Variants in COL4A5 observed in about 807,000 individuals in gnomAD.
COL4A5 encodes the protein collagen alpha-5(IV) chain.
In COL4A5, 26 loss-of-function variants were observed where a neutral mutation model predicts 130.2. That is an observed-to-expected ratio of 0.20 (90% confidence interval 0.15 to 0.28). The LOEUF (loss-of-function observed/expected upper bound fraction) is 0.28, where lower values mean the gene tolerates loss of function less well. COL4A5 is among the 10% of genes least tolerant of loss of function. The probability of loss-of-function intolerance (pLI) is 1.00; values close to 1 mark genes in which losing one functional copy is unlikely to be tolerated. For missense variants in COL4A5, 1,131 were observed against 1,344.3 expected (o/e 0.84, Z 2.48); for synonymous variants, 496 against 439.6 (o/e 1.13, Z -1.60).
At chrX:108,551,947 A>G (rs1423035429) in intron 2 of COL4A5, among the ~76,000 whole-genome samples, 2 of 112,301 alleles carry the variant, frequency 1.8e-5, no homozygotes, top group East Asian at 5.6e-4. Context: ...TTAGCTAATT[A>G]ACACAGGAAC....
intron 1 of COL4A5, among the ~76,000 whole-genome samples, chrX:108,527,242 G>A (rs1373077064): frequency 1.8e-5 from 2 of 110,644 alleles, no homozygotes; most frequent in Admixed American, 9.6e-5. Context: ...CCTCTCTTTC[G>A]TCTTCTTTTG....
chrX:108,694,553 T>C lies in COL4A5; in HGVS notation c.4707-254T>C, dbSNP rs921523682. 5 of 389,493 alleles carry C rather than the reference T, an allele frequency of 1.3e-5. No homozygotes were observed. In the Admixed American group the frequency reaches 2.1e-4, roughly 17 times the overall value. The allele number at this position is 389,493 out of a possible 1,213,427, so 32.1% of individuals were successfully genotyped here. On this transcript the variant is annotated intron_variant, in intron 50 of 52. Coordinates refer to ENST00000328300, the MANE Select transcript of COL4A5 (RefSeq NM_033380.3). ...GACTATAGCAAGTATGAATAGACATTTAGGGCATAATGGAATATTAAAAGG... is the reference window on the plus strand; with the variant it reads ...GACTATAGCAAGTATGAATAGACATCTAGGGCATAATGGAATATTAAAAGG...
intron 49 of COL4A5, among the ~76,000 whole-genome samples, chrX:108,688,202 G>A (rs2068584002): frequency 9.0e-6 from 1 of 111,579 alleles, no homozygotes; most frequent in African/African-American, 3.3e-5. Flanking sequence ...AGTATTGCTG[G>A]AGTCATTTAA....
chrX:108,678,668 C>T (rs1366033094), intron 44 of COL4A5, among the ~76,000 whole-genome samples: 9 of 111,075 alleles, frequency 8.1e-5, no homozygotes, highest in Admixed American at 9.7e-5. Context: ...GAATTTGAGA[C>T]GAGCCTGGAC....
Position 108,696,570 on chromosome X carries a change from C to A in COL4A5, c.*192C>A. ...CCTCAGCAATGCGCCAGAGCAAAGTCTCTATTATTTTTCTACTAAAGAAAT... is the reference window on the plus strand; with the variant it reads ...CCTCAGCAATGCGCCAGAGCAAAGTATCTATTATTTTTCTACTAAAGAAAT... On this transcript the variant is annotated 3_prime_UTR_variant, in exon 53 of 53. Transcript: ENST00000328300. 1 of 313,039 alleles carries A rather than the reference C, an allele frequency of 3.2e-6. No homozygotes were observed. Among genetic ancestry groups the A allele is most frequent in the Admixed American group, 5.5e-5 (1 of 18,303 alleles). The allele number at this position is 313,039 out of a possible 1,213,427, so 25.8% of individuals were successfully genotyped here.
intron 1 of COL4A5, among the ~76,000 whole-genome samples, chrX:108,471,398 G>A (rs1234464069): frequency 9.0e-6 from 1 of 110,958 alleles, no homozygotes; most frequent in Non-Finnish European, 1.9e-5. Context: ...ATTTTTTGGT[G>A]ACTATTGATA....
intron 52 of COL4A5, 170 bp downstream of exon 52, chrX:108,695,609 G>C: frequency 2.0e-6 from 1 of 509,032 alleles, no homozygotes; most frequent in Admixed American, 3.2e-5. Flanking sequence ...CAGAAAAACA[G>C]ACTTGATTAT....
At chrX:108,570,910 A>G (rs893441001) in intron 6 of COL4A5, among the ~76,000 whole-genome samples, 1 of 112,281 alleles carries the variant, frequency 8.9e-6, no homozygotes, top group African/African-American at 3.2e-5. Flanking sequence ...CTGGGTGCCT[A>G]GAAAACATAA....
intron 1 of COL4A5, among the ~76,000 whole-genome samples, chrX:108,525,914 A>G (rs999038415): frequency 9.0e-6 from 1 of 111,399 alleles, no homozygotes; most frequent in Non-Finnish European, 1.9e-5. Flanking sequence ...CTTCTGTTCT[A>G]TGAGCAAGTT....
chrX:108,486,114 T>G (rs146317722), intron 1 of COL4A5, among the ~76,000 whole-genome samples: 1,774 of 111,196 alleles, frequency 0.016, 17 homozygotes, highest in Non-Finnish European at 0.025. Flanking sequence ...ATGCAACATC[T>G]CACTATCACT....
At chrX:108,639,236 A>T (rs781046603) in intron 36 of COL4A5, among the ~76,000 whole-genome samples, 1 of 111,224 alleles carries the variant, frequency 9.0e-6, no homozygotes, top group Admixed American at 9.5e-5. Flanking sequence ...CCAGAGATAA[A>T]ATCTCTGGTC....
rs1172708896 is a variant in COL4A5, at chrX:108,610,208, T to C, written c.2395+3316T>C. Among the ~76,000 whole-genome samples, 3 of 111,196 alleles carry C rather than the reference T, an allele frequency of 2.7e-5. No homozygotes were observed. The Admixed American group carries it at 2.9e-4, about 11-fold the overall frequency. ...AAGGAATAGAATTAGTAAAGCTGAC[T>C]TGCATTTTTTTTCCTTTGATTTGGA... On this transcript the variant is annotated intron_variant, in intron 29 of 52. Transcript: ENST00000328300.
At chrX:108,657,200 A>T (rs1002538051) in intron 37 of COL4A5, among the ~76,000 whole-genome samples, 3 of 110,385 alleles carry the variant, frequency 2.7e-5, no homozygotes, top group Non-Finnish European at 5.7e-5. Context: ...GTCAAGGTTC[A>T]TTTTTTTTCC....
intron 36 of COL4A5, among the ~76,000 whole-genome samples, chrX:108,629,660 A>T (rs765979298): frequency 9.0e-6 from 1 of 111,206 alleles, no homozygotes; most frequent in South Asian, 3.8e-4. Flanking sequence ...TATTTTATTT[A>T]TTTATTTATT....
In COL4A5 at chrX:108,626,732, C is replaced by A; in HGVS notation, c.3246+383C>A. On this transcript the variant is annotated intron_variant, in intron 36 of 52. Transcript: ENST00000328300. ...CTTATAAACAAAGTGACAGTTAATG[C>A]TAATGTAGTAGTATTCTTAACTGCG... 3 of 885,203 alleles carry A rather than the reference C, an allele frequency of 3.4e-6. No homozygotes were observed. In the South Asian group the frequency reaches 9.6e-5, roughly 28 times the overall value. The allele number at this position is 885,203 out of a possible 1,213,427, so 73.0% of individuals were successfully genotyped here. A position where few individuals can be genotyped will look rare whatever the true frequency, so the allele number is the denominator to read the frequency against.
intron 1 of COL4A5, among the ~76,000 whole-genome samples, chrX:108,511,491 A>G (rs1345089007): frequency 1.8e-5 from 2 of 111,833 alleles, no homozygotes; most frequent in African/African-American, 3.2e-5. Flanking sequence ...TGGAAATGTA[A>G]GAGATCCGGA....
At chrX:108,544,996 C>T (rs1166306295) in intron 2 of COL4A5, among the ~76,000 whole-genome samples, 3 of 111,478 alleles carry the variant, frequency 2.7e-5, no homozygotes, top group African/African-American at 9.8e-5. Context: ...TGATTCTTCT[C>T]TCTTTTCTTC....
rs1283316971 is a variant in COL4A5, at chrX:108,546,552, C to A, written c.141+6747C>A. 2.7e-5 allele frequency among the ~76,000 whole-genome samples: 3 copies of A among 111,587 alleles called. No individual in the cohort carries two copies. In the East Asian group the frequency reaches 8.5e-4, roughly 31 times the overall value. The stretch of plus-strand genomic sequence containing the variant: ...TGGCTGCCCTTAGCTTTTTTTCCTT[C>A]ATTTCAACTTTGGTGAATCTGACAA... On this transcript the variant is annotated intron_variant, in intron 2 of 52. Transcript: ENST00000328300.
chrX:108,523,535 G>C (rs755783815), intron 1 of COL4A5, among the ~76,000 whole-genome samples: 1 of 112,109 alleles, frequency 8.9e-6, no homozygotes, highest in Non-Finnish European at 1.9e-5. Context: ...AAATCCTTCA[G>C]CTTTGTTCTT....
Sources: allele counts gnomAD v4.1 joint callset (sites outside exome capture counted in the v4.1 genomes callset), GRCh38; gene constraint gnomAD v4.1.1; transcripts MANE v1.5; gene names NCBI Gene and HGNC (gene_info 2026-07-23, HGNC 2026-07-21).